The following CHD8 variants were observed in gnomAD, a reference collection of about 807,000 sequenced individuals.
CHD8 encodes the protein ATP-dependent chromatin remodeler CHD8.
Under a neutral mutation model 279.2 loss-of-function variants are expected in CHD8, and 31 were observed. The ratio of observed to expected loss-of-function variants is 0.11; its 90% confidence interval spans 0.08 to 0.15. CHD8 has a LOEUF of 0.15. Among genes scored for constraint, CHD8 ranks in the 10% least tolerant of loss-of-function variants. The probability of loss-of-function intolerance (pLI) is 1.00; values close to 1 mark genes in which losing one functional copy is unlikely to be tolerated. For missense variants in CHD8, 2,146 were observed against 3,230.5 expected (o/e 0.66, Z 8.14); for synonymous variants, 1,081 against 1,139.6 (o/e 0.95, Z 1.04).
intron 1 of CHD8, among the ~76,000 whole-genome samples, chr14:21,454,358 C>T (rs1890334620): frequency 6.6e-6 from 1 of 152,150 alleles, no homozygotes; most frequent in Non-Finnish European, 1.5e-5. Flanking sequence ...GGCTGTGTCG[C>T]CCAGGCCGGA....
chr14:21,437,802 T>G (rs1424885956), intron 1 of CHD8, among the ~76,000 whole-genome samples: 1 of 152,192 alleles, frequency 6.6e-6, no homozygotes, highest in East Asian at 1.9e-4. Context: ...TTTTTGACAC[T>G]GTGACCCTTC....
intron 1 of CHD8, among the ~76,000 whole-genome samples, chr14:21,449,981 G>A (rs2139573830): frequency 6.6e-6 from 1 of 152,320 alleles, no homozygotes; most frequent in South Asian, 2.1e-4. Context: ...AGGAAGAACT[G>A]ACTAATGTGC....
chr14:21,437,589 C>A (rs73579686), intron 1 of CHD8, among the ~76,000 whole-genome samples: 3,379 of 152,204 alleles, frequency 0.022, 131 homozygotes, highest in African/African-American at 0.077. Flanking sequence ...AGGGAGGGTT[C>A]CGCGCTAGGC....
intron 5 of CHD8, among the ~76,000 whole-genome samples, chr14:21,424,453 T>G (rs1488312728): frequency 6.6e-6 from 1 of 151,970 alleles, no homozygotes; most frequent in Non-Finnish European, 1.5e-5. Flanking sequence ...TTTTTAAAAC[T>G]TTCTCGACTA....
At chr14:21,401,602 T>A (rs544260380) in intron 20 of CHD8, 89 bp from the exon 21 acceptor site, 1 of 817,378 alleles carries the variant, frequency 1.2e-6, no homozygotes, top group African/African-American at 1.7e-5. Flanking sequence ...ATTTTTTTTT[T>A]GAGACACAGT....
At chr14:21,417,619 C>A (rs1888784743) in intron 5 of CHD8, among the ~76,000 whole-genome samples, 1 of 151,750 alleles carries the variant, frequency 6.6e-6, no homozygotes, top group African/African-American at 2.4e-5. Context: ...CTTTGGGAGG[C>A]CGAGGCAGGC....
At chr14:21,437,523 A>G (rs932280148) in intron 1 of CHD8, among the ~76,000 whole-genome samples, 2 of 151,990 alleles carry the variant, frequency 1.3e-5, no homozygotes, top group African/African-American at 4.8e-5. Flanking sequence ...AGTCCTGGAG[A>G]TTAAATTCCC....
intron 26 of CHD8, 186 bp downstream of exon 26, chr14:21,399,416 C>G (rs1380525297): frequency 3.6e-6 from 2 of 561,058 alleles, no homozygotes; most frequent in Non-Finnish European, 6.4e-6. Context: ...CCATCTGGCC[C>G]TTCTTGAACA....
chr14:21,424,588 A>G (rs1889219293), intron 5 of CHD8, among the ~76,000 whole-genome samples: 1 of 152,130 alleles, frequency 6.6e-6, no homozygotes, highest in Non-Finnish European at 1.5e-5. Context: ...CTCCTGCCTC[A>G]GCCTCCCAAG....
chr14:21,418,580 C>T (rs1888854788), intron 5 of CHD8, among the ~76,000 whole-genome samples: 1 of 151,876 alleles, frequency 6.6e-6, no homozygotes, highest in South Asian at 2.1e-4. Flanking sequence ...CTTTGGGAGG[C>T]CAAGGTGGGC....
intron 4 of CHD8, chr14:21,427,519 T>A (rs921328444): frequency 8.6e-7 from 1 of 1,162,896 alleles, no homozygotes; most frequent in African/African-American, 1.6e-5. Flanking sequence ...GAGCTTACTC[T>A]TGCACGTCCC....
intron 1 of CHD8, among the ~76,000 whole-genome samples, chr14:21,455,304 T>C (rs1890360019): frequency 3.3e-5 from 5 of 152,234 alleles, no homozygotes. Context: ...ATACAGCTGC[T>C]GCAGGGAAAT....
At position 21,405,313 on chromosome 14, in the gene CHD8, T is replaced by C; in HGVS notation, c.3203A>G (p.Asn1068Ser). 6.2e-7 allele frequency: 1 copy of C among 1,611,174 alleles called. No individual in the cohort carries two copies. Among genetic ancestry groups the C allele is most frequent in the Non-Finnish European group, 8.5e-7 (1 of 1,178,482 alleles). ...KKYYRAILEK[N>S]FSFLSKGAGH... ...TGCCCCTTTGGAAAGGAAGGAGAAATTCTTCTCCAAAATAGCCCGATAGTA... is the reference window on the plus strand; with the variant it reads ...TGCCCCTTTGGAAAGGAAGGAGAAACTCTTCTCCAAAATAGCCCGATAGTA... The change falls in exon 16 of 38, where the codon AAT (asparagine) becomes AGT (serine). Residue 1068 changes from asparagine (N) to serine (S), a missense_variant. By Grantham distance (46) the Asn-to-Ser change is conservative (BLOSUM62 1). This residue lies in a region of CHD8 where 18 missense variants were observed against 17.1 expected (regional missense o/e 1.05). Transcript: ENST00000646647. The surrounding 1 kb of genome is among the most constrained non-coding windows in gnomAD (Gnocchi z 4.2).
At position 21,397,881 on chromosome 14, in the gene CHD8, C is replaced by T; in HGVS notation, c.4993G>A (p.Asp1665Asn). The T allele has an allele frequency of 6.2e-7, 1 of 1,613,102 alleles. No homozygotes were observed. The highest frequency in any genetic ancestry group is 2.2e-5 in the East Asian group (1 of 44,852). Residue 1665 changes from aspartate to asparagine, a missense_variant, in exon 27 of 38, where the codon GAC becomes AAC. Around this residue, in one of 26 missense-constraint regions of CHD8, gnomAD observed 75 missense variants for 81.3 expected, o/e 0.92. Coordinates refer to ENST00000646647, the MANE Select transcript of CHD8 (RefSeq NM_001170629.2). ...CGATGTTCTGCTGCAATTGCTTTGTCATCTGGTCGGCCAGCCTTTTCTAGG... is the reference window on the plus strand; with the variant it reads ...CGATGTTCTGCTGCAATTGCTTTGTTATCTGGTCGGCCAGCCTTTTCTAGG... ...CFLEKAGRPD[D>N]KAIAAEHRVL...
chr14:21,424,153 T>G (rs1182612512), intron 5 of CHD8, among the ~76,000 whole-genome samples: 1 of 152,226 alleles, frequency 6.6e-6, no homozygotes, highest in African/African-American at 2.4e-5. Context: ...GTTCATAAAT[T>G]TCATCTTTTA....
At chr14:21,452,436 G>A (rs1268544286) in intron 1 of CHD8, among the ~76,000 whole-genome samples, 1 of 151,976 alleles carries the variant, frequency 6.6e-6, no homozygotes, top group Non-Finnish European at 1.5e-5. Flanking sequence ...CTGAGGTCAG[G>A]AGTTTGAGAC....
chr14:21,437,340 G>C (rs1034506502), intron 1 of CHD8: 10 of 978,266 alleles, frequency 1.0e-5, no homozygotes, highest in African/African-American at 3.4e-5. Context: ...AAGGCGAAAA[G>C]ACGCAAAACA....
At chr14:21,411,205 A>G (rs1467789490) in intron 10 of CHD8, among the ~76,000 whole-genome samples, 2 of 152,226 alleles carry the variant, frequency 1.3e-5, no homozygotes, top group South Asian at 4.1e-4. Context: ...AAAAATGATA[A>G]GAATTTAAGA....
chr14:21,414,591 T>G (rs1201715524), intron 8 of CHD8, 173 bp from the exon 9 acceptor site: 2 of 599,344 alleles, frequency 3.3e-6, no homozygotes, highest in South Asian at 4.2e-5. Context: ...CCACCTGGTA[T>G]GGGATGTGCT....
Sources: gnomAD v4.1 joint callset for allele counts (sites outside exome capture counted in the v4.1 genomes callset) on GRCh38, gnomAD v4.1.1 for gene constraint, gnomAD v4.1.1 regional missense constraint, Gnocchi (gnomAD v3.1) non-coding constraint, MANE v1.5 for transcripts, NCBI Gene and HGNC (gene_info 2026-07-23, HGNC 2026-07-21) for gene names.